PGAP4: variants seen among roughly 807,000 people sequenced by gnomAD.
PGAP4 encodes GPI-N-acetylgalactosamine transferase PGAP4.
PGAP4 carries 12 observed loss-of-function variants against 28.2 expected under a neutral mutation model. That is an observed-to-expected ratio of 0.42 (90% confidence interval 0.27 to 0.69). PGAP4 has a LOEUF of 0.69. PGAP4 is among the 30% of genes least tolerant of loss of function. The probability of loss-of-function intolerance (pLI) is 0.22; values close to 1 mark genes in which losing one functional copy is unlikely to be tolerated. For missense variants in PGAP4, 425 were observed against 513.5 expected, an observed-to-expected ratio of 0.83 and a Z score of 1.67; for synonymous variants, 205 against 211.8, an observed-to-expected ratio of 0.97 and a Z score of 0.28.
intron 1 of PGAP4, among the ~76,000 whole-genome samples, chr9:101,478,897 T>A (rs535704777): frequency 3.3e-5 from 5 of 152,304 alleles, no homozygotes; most frequent in African/African-American, 1.2e-4. Flanking sequence ...TGGACTTTAT[T>A]ACAGCAGTTA....
At position 101,502,202 on chromosome 9, in the gene PGAP4, G is replaced by A. The variant is rs143017550; in HGVS notation, c.-164-13002C>T. Among the ~76,000 whole-genome samples, 97 of 152,116 alleles carry A rather than the reference G, an allele frequency of 6.4e-4. 1 individual carries two copies. The highest frequency in any genetic ancestry group is 2.2e-3 in the African/African-American group (93 of 41,532). Reference sequence around the variant, plus strand: ...TTCCTCTCTAAATCCTAAATACTCTGTTGACACTCTTAATCTGGAATTTTT... The same window carrying A: ...TTCCTCTCTAAATCCTAAATACTCTATTGACACTCTTAATCTGGAATTTTT... On this transcript the variant is annotated intron_variant, in intron 2 of 3. Transcript: ENST00000374851.
intron 2 of PGAP4, among the ~76,000 whole-genome samples, chr9:101,516,531 G>A (rs1187921564): frequency 6.6e-6 from 1 of 152,132 alleles, no homozygotes; most frequent in Non-Finnish European, 1.5e-5. Flanking sequence ...AATCTTTAAA[G>A]TAGAAGTAAA....
At chr9:101,492,382 C>A (rs192631875) in intron 2 of PGAP4, among the ~76,000 whole-genome samples, 1 of 152,130 alleles carries the variant, frequency 6.6e-6, no homozygotes, top group African/African-American at 2.4e-5. Context: ...TTAGTAGAGA[C>A]CAGGTTTCAC....
chr9:101,483,027 A>G (rs1417524855), intron 1 of PGAP4, among the ~76,000 whole-genome samples: 1 of 152,216 alleles, frequency 6.6e-6, no homozygotes, highest in Non-Finnish European at 1.5e-5. Context: ...GACAAGGATA[A>G]ATTTCAAAGC....
rs112497412 is a variant in PGAP4 at position 101,524,583 on chromosome 9, C to T, written c.-165+6765G>A. On this transcript the variant is annotated intron_variant, in intron 2 of 3. Coordinates refer to the PGAP4 transcript ENST00000374851. The stretch of plus-strand genomic sequence containing the variant: ...GCCCCTGCTCCTCTGTCTACTCTCC[C>T]GATGGATCCCTGTGGTGCCAGCCAG... Among the ~76,000 whole-genome samples, 325 of 152,278 alleles carry T rather than the reference C, an allele frequency of 2.1e-3. 3 individuals are homozygous for T. The Middle Eastern group carries it at 0.031, about 14-fold the overall frequency.
chr9:101,500,030 T>C (rs1316565352), intron 2 of PGAP4, among the ~76,000 whole-genome samples: 1 of 152,016 alleles, frequency 6.6e-6, no homozygotes, highest in Non-Finnish European at 1.5e-5. Flanking sequence ...CTCACTAATA[T>C]ACTTTTTACC....
intron 2 of PGAP4, among the ~76,000 whole-genome samples, chr9:101,524,653 C>T (rs989823055): frequency 3.3e-5 from 5 of 152,226 alleles, no homozygotes; most frequent in African/African-American, 9.6e-5. Flanking sequence ...GGCCTTACTG[C>T]TGCTTCCTCT....
rs28456163 is a variant in PGAP4, at chr9:101,529,665, T to A, written c.-165+1683A>T. On this transcript the variant is annotated intron_variant, in intron 2 of 3. Transcript: ENST00000374851. Reference sequence around the variant, plus strand: ...GAGGGCTGAGTATGATGTAGTATAGTGGGCCAGGTGATCTGGGGAGAAGGA... The same window carrying A: ...GAGGGCTGAGTATGATGTAGTATAGAGGGCCAGGTGATCTGGGGAGAAGGA... 1.1e-3 allele frequency among the ~76,000 whole-genome samples: 168 copies of A among 152,098 alleles called. 2 individuals carry two copies. Among genetic ancestry groups the A allele is most frequent in the African/African-American group, 4.0e-3 (164 of 41,494 alleles).
chr9:101,519,939 G>A (rs1337269384), intron 2 of PGAP4, among the ~76,000 whole-genome samples: 1 of 152,032 alleles, frequency 6.6e-6, no homozygotes. Context: ...CCTACATGTG[G>A]CTAGCCAATT....
intron 2 of PGAP4, among the ~76,000 whole-genome samples, chr9:101,497,155 G>A (rs1826758808): frequency 6.6e-6 from 1 of 150,856 alleles, no homozygotes; most frequent in Non-Finnish European, 1.5e-5. Flanking sequence ...GACATTTAAT[G>A]AATATCGATT....
At chr9:101,480,698 C>T (rs1487797191) in intron 1 of PGAP4, 3 of 152,318 alleles carry the variant, frequency 2.0e-5, no homozygotes, top group Middle Eastern at 3.4e-3. Context: ...GGATCAGATC[C>T]TTCATTCAAG....
At position 101,473,349 on chromosome 9, in the gene PGAP4, T is replaced by C. The variant is rs1481298959; in HGVS notation, c.*2532A>G. 1 of 152,212 alleles carries C rather than the reference T, an allele frequency of 6.6e-6. No individual in the cohort carries two copies. The allele number at this position is 152,212 out of a possible 1,614,324, so 9.4% of individuals were successfully genotyped here. A position where few individuals can be genotyped will look rare whatever the true frequency, so the allele number is the denominator to read the frequency against. ...TGATATGGGAAGGATATCTTAGTTCTCCCTAGCCCCTTGCTTAGGATTAAG... is the reference window on the plus strand; with the variant it reads ...TGATATGGGAAGGATATCTTAGTTCCCCCTAGCCCCTTGCTTAGGATTAAG... On this transcript the variant is annotated 3_prime_UTR_variant, in exon 2 of 2. Coordinates refer to ENST00000374848, the MANE Select transcript of PGAP4 (RefSeq NM_032342.3).
upstream of PGAP4, among the ~76,000 whole-genome samples, chr9:101,488,053 T>C (rs370009249): frequency 5.3e-5 from 8 of 152,298 alleles, no homozygotes; most frequent in African/African-American, 1.9e-4. Context: ...GATTTCTTCT[T>C]GTGTAAGTAA....
At chr9:101,504,347 G>C (rs1005581327) in intron 2 of PGAP4, among the ~76,000 whole-genome samples, 4 of 150,966 alleles carry the variant, frequency 2.6e-5, no homozygotes, top group African/African-American at 9.7e-5. Flanking sequence ...GTATTTGTAG[G>C]TGGGATGCTG....
intron 2 of PGAP4, among the ~76,000 whole-genome samples, chr9:101,525,261 C>T (rs1210549783): frequency 6.6e-6 from 1 of 151,980 alleles, no homozygotes; most frequent in African/African-American, 2.4e-5. Context: ...ATATTAAACC[C>T]CCTTCATATT....
At chr9:101,511,217 G>C (rs1440054277) in intron 2 of PGAP4, among the ~76,000 whole-genome samples, 4 of 152,132 alleles carry the variant, frequency 2.6e-5, no homozygotes, top group African/African-American at 9.7e-5. Context: ...GTGATGGGGA[G>C]TGGCTTTAAA....
chr9:101,510,794 G>A (rs1434138888), intron 2 of PGAP4, among the ~76,000 whole-genome samples: 2 of 152,126 alleles, frequency 1.3e-5, no homozygotes, highest in Non-Finnish European at 2.9e-5. Context: ...TAACGGGCGG[G>A]CCACACGTGG....
intron 2 of PGAP4, chr9:101,501,625 T>C (rs1440636863): frequency 2.1e-6 from 1 of 482,074 alleles, no homozygotes; most frequent in Admixed American, 2.2e-5. Flanking sequence ...AAAGCAGCTT[T>C]ATAGTGAAAC....
intron 2 of PGAP4, among the ~76,000 whole-genome samples, chr9:101,507,975 C>T (rs1323419): frequency 0.47 from 71,919 of 151,874 alleles, 17,270 homozygotes; most frequent in East Asian, 0.66. Context: ...CTGTTTAATC[C>T]TCATTTGAAA....
Sources: gnomAD v4.1 joint callset for allele counts (sites outside exome capture counted in the v4.1 genomes callset) on GRCh38, gnomAD v4.1.1 for gene constraint, MANE v1.5 for transcripts, NCBI Gene and HGNC (gene_info 2026-07-23, HGNC 2026-07-21) for gene names.